FAM221B: variants seen among roughly 807,000 people sequenced by gnomAD.
FAM221B encodes the protein family with sequence similarity 221 member B.
FAM221B carries 35 observed loss-of-function variants against 39.8 expected under a neutral mutation model. The ratio of observed to expected loss-of-function variants is 0.88; its 90% CI spans 0.67 to 1.17. The LOEUF (loss-of-function observed/expected upper bound fraction) is 1.17, where lower values mean the gene tolerates loss of function less well. Among genes scored for constraint, FAM221B ranks in the 50% most tolerant of loss-of-function variants. The pLI, the probability that FAM221B is intolerant of heterozygous loss-of-function variation, is 0.00. For synonymous variants in FAM221B, 158 were observed against 178.1 expected, an observed-to-expected ratio of 0.89 and a Z score of 0.90; for missense variants, 479 against 503.1, an observed-to-expected ratio of 0.95 and a Z score of 0.46.
chr9:35,819,953 G>A lies in FAM221B; in HGVS notation c.790C>T (p.Arg264Trp), dbSNP rs375690580. The change falls in exon 4 of 7, where the codon CGG (arginine) becomes TGG (tryptophan). Residue 264 changes from arginine (R) to tryptophan (W), a missense_variant. Physicochemically the swap from Arg to Trp is moderately radical, Grantham distance 101 (BLOSUM62 -3). Coordinates refer to ENST00000423537, the MANE Select transcript of FAM221B (RefSeq NM_001012446.4). ...RCPHYLWDCF[R>W]IGDESRCFCG... is the part of the protein sequence containing the mutation. Reference sequence around the variant, plus strand: ...AAGCATCTGGACTCATCCCCAATCCGGAAACAGTCCCATAGGTAATGGGGG... The same window carrying A: ...AAGCATCTGGACTCATCCCCAATCCAGAAACAGTCCCATAGGTAATGGGGG... 16 of 1,612,054 alleles carry A rather than the reference G, an allele frequency of 9.9e-6. No individual in the cohort carries two copies. Among genetic ancestry groups the A allele is most frequent in the South Asian group, 5.5e-5 (5 of 91,038 alleles).
At position 35,818,384 on chromosome 9, in the gene FAM221B, T is replaced by G. The variant is rs909089051; in HGVS notation, c.*85A>C. On this transcript the variant is annotated 3_prime_UTR_variant, in exon 7 of 7. Transcript: ENST00000423537. Reference sequence around the variant, plus strand: ...GTCAACTCTAAGTTATTAGGCAGTCTCTCCCTGGGCTGGGATCTACCTGCC... The same window carrying G: ...GTCAACTCTAAGTTATTAGGCAGTCGCTCCCTGGGCTGGGATCTACCTGCC... 12 of 1,284,056 alleles carry G rather than the reference T, an allele frequency of 9.3e-6. No homozygotes were observed. The African/African-American group carries it at 1.6e-4, about 17-fold the overall frequency. 79.5% of individuals were successfully genotyped at this position (1,284,056 alleles called of 1,614,324 possible). A position where few individuals can be genotyped will look rare whatever the true frequency, so the allele number is the denominator to read the frequency against.
At chr9:35,822,054 C>G (rs760318682) in intron 3 of FAM221B, among the ~76,000 whole-genome samples, 11 of 152,224 alleles carry the variant, frequency 7.2e-5, no homozygotes, top group Non-Finnish European at 1.5e-4. Flanking sequence ...ACATGGCTGT[C>G]TTTACAGGAA....
rs1829029081 is a variant in FAM221B, at chr9:35,816,671, G to A, written c.*1798C>T. On this transcript the variant is annotated 3_prime_UTR_variant, in exon 7 of 7. Transcript: ENST00000423537. ...AGTTTTAGGTGAATGGTTATCATGGGGCATATAACCACTGTTGGGGAACTT... is the reference window on the plus strand; with the variant it reads ...AGTTTTAGGTGAATGGTTATCATGGAGCATATAACCACTGTTGGGGAACTT... The A allele has an allele frequency of 6.6e-6, 1 of 152,072 alleles. No homozygotes were observed. Among genetic ancestry groups the A allele is most frequent in the African/African-American group, 2.4e-5 (1 of 41,400 alleles). 9.4% of individuals were successfully genotyped at this position (152,072 alleles called of 1,614,324 possible).
chr9:35,818,575 C>T (rs1000561440), intron 6 of FAM221B, 69 bp from the exon 7 acceptor site: 53 of 1,471,232 alleles, frequency 3.6e-5, no homozygotes, highest in Middle Eastern at 2.0e-4. Context: ...GGCTGGAGAC[C>T]GTGTGAACCA....
chr9:35,818,465 A>T lies in FAM221B; in HGVS notation c.*4T>A. On this transcript the variant is annotated 3_prime_UTR_variant, in exon 7 of 7. Transcript: ENST00000423537. ...TCCTCTTTTATTGCTGATCTGGGCC[A>T]GACTCACAAAGGCCTGTGCCAGTTG... 6.4e-7 allele frequency: 1 copy of T among 1,551,738 alleles called. No individual in the cohort carries two copies. The highest frequency in any genetic ancestry group is 1.4e-5 in the African/African-American group (1 of 73,168).
In FAM221B at chr9:35,828,164, C is replaced by T. The variant is rs985485925; in HGVS notation, c.-1+299G>A. On this transcript the variant is annotated intron_variant, in intron 1 of 6. Transcript: ENST00000423537. The surrounding 1 kb of genome is among the most constrained non-coding windows in gnomAD (Gnocchi z 4.5). ...AAAATTAGCTGGGCATGGTGGCAGG[C>T]GCCTGTAGTCCCAGCTACTGGGGAG... is the stretch of plus-strand genomic sequence containing the variant. Among the ~76,000 whole-genome samples, 4 of 152,008 alleles carry T rather than the reference C, an allele frequency of 2.6e-5. No individual in the cohort carries two copies. Among genetic ancestry groups the T allele is most frequent in the East Asian group, 3.8e-4 (2 of 5,200 alleles).
intron 3 of FAM221B, among the ~76,000 whole-genome samples, chr9:35,824,677 T>G (rs112686943): frequency 0.013 from 1,957 of 151,004 alleles, 51 homozygotes; most frequent in African/African-American, 0.044. Flanking sequence ...TTGTTTTTTG[T>G]TTTTTGGTTT....
rs766891221 is a variant in FAM221B, at chr9:35,819,899, T to A, written c.844A>T (p.Ile282Phe). 6.2e-7 allele frequency: 1 copy of A among 1,602,154 alleles called. No individual in the cohort carries two copies. Among genetic ancestry groups the A allele is most frequent in the Non-Finnish European group, 8.5e-7 (1 of 1,171,648 alleles). ...FCGHLLREHR[I>F]ISDISVPCKV... ...GTCAGTTCTCCCCTACCTGAGATGA[T>A]CCGGTGCTCTCTCAACAAGTGTCCA... Residue 282 changes from isoleucine to phenylalanine, a missense_variant, in exon 4 of 7, where the codon ATC becomes TTC. By Grantham distance (21) the Ile-to-Phe change is conservative. Coordinates refer to ENST00000423537, the MANE Select transcript of FAM221B (RefSeq NM_001012446.4).
At chr9:35,819,068 C>T (rs1829079100) in intron 5 of FAM221B, 59 bp from the exon 6 acceptor site, 2 of 1,547,296 alleles carry the variant, frequency 1.3e-6, no homozygotes, top group African/African-American at 1.4e-5. Context: ...CAGGAGCTGA[C>T]CACATTCTCA....
Position 35,817,500 on chromosome 9 carries a change from C to T in FAM221B, c.*969G>A, listed in dbSNP as rs1454769674. The T allele has an allele frequency of 6.6e-6, 1 of 152,258 alleles. No homozygotes were observed. The highest frequency in any genetic ancestry group is 6.5e-5 in the Admixed American group (1 of 15,282). 9.4% of individuals were successfully genotyped at this position (152,258 alleles called of 1,614,324 possible). ...TCTTTTGCTTAGTTTTCCTGATCTT[C>T]CTCCCTGACACCCTCACATCATCAA... On this transcript the variant is annotated 3_prime_UTR_variant, in exon 7 of 7. Transcript: ENST00000423537.
chr9:35,819,929 A>G lies in FAM221B; in HGVS notation c.814T>C (p.Phe272Leu), dbSNP rs780144290. Residue 272 changes from phenylalanine to leucine, a missense_variant, in exon 4 of 7, where the codon TTT becomes CTT. Coordinates refer to ENST00000423537, the MANE Select transcript of FAM221B (RefSeq NM_001012446.4). ...CFRIGDESRC[F>L]CGHLLREHRI... ...TGCTCTCTCAACAAGTGTCCACAAA[A>G]GCATCTGGACTCATCCCCAATCCGG... 4 of 1,608,952 alleles carry G rather than the reference A, an allele frequency of 2.5e-6. No homozygotes were observed. Among genetic ancestry groups the G allele is most frequent in the Non-Finnish European group, 3.4e-6 (4 of 1,176,664 alleles).
intron 3 of FAM221B, chr9:35,821,697 G>A (rs541978755): frequency 1.9e-5 from 22 of 1,147,436 alleles, no homozygotes; most frequent in South Asian, 1.1e-4. Flanking sequence ...TCGGAGGGCC[G>A]GGGGGCAGTC....
At chr9:35,827,754 T>C (rs1168401244) in intron 1 of FAM221B, among the ~76,000 whole-genome samples, 1 of 152,196 alleles carries the variant, frequency 6.6e-6, no homozygotes, top group African/African-American at 2.4e-5. Flanking sequence ...CTTTCCGTGC[T>C]CCCTACTTTA....
At position 35,825,728 on chromosome 9, in the gene FAM221B, T is replaced by C. The variant is rs1829328206; in HGVS notation, c.434A>G (p.His145Arg). Residue 145 changes from histidine to arginine, a missense_variant, in exon 2 of 7, where the codon CAT (histidine) becomes CGT (arginine). His to Arg is a conservative substitution (Grantham distance 29). Coordinates refer to ENST00000423537, the MANE Select transcript of FAM221B (RefSeq NM_001012446.4). The surrounding 1 kb of genome is among the most constrained non-coding windows in gnomAD (Gnocchi z 4.2). Reference protein sequence around the residue: ...NEVPWTRRSTHLSESESLPEH... With the variant: ...NEVPWTRRSTRLSESESLPEH... ...TGGAAGGCTCTCAGATTCAGAGAGA[T>C]GGGTAGACCTCCTTGTCCATGGGAC... 6.2e-7 allele frequency: 1 copy of C among 1,614,172 alleles called. No homozygotes were observed. Among genetic ancestry groups the C allele is most frequent in the Non-Finnish European group, 8.5e-7 (1 of 1,180,020 alleles).
chr9:35,820,020 A>T lies in FAM221B; in HGVS notation c.743-20T>A, dbSNP rs753430259. On this transcript the variant is annotated intron_variant, in intron 3 of 6. Transcript: ENST00000423537. ...AGAGACCTAGGTATGCAGGATTAAA[A>T]GTGAGAAGTAAAAAAATTCTAAGCT... 6.3e-7 allele frequency: 1 copy of T among 1,580,020 alleles called. No individual in the cohort carries two copies. The highest frequency in any genetic ancestry group is 8.7e-7 in the Non-Finnish European group (1 of 1,149,378).
chr9:35,826,245 A>C lies in FAM221B; in HGVS notation c.1-84T>G, dbSNP rs1266107475. 3.6e-5 allele frequency: 37 copies of C among 1,027,700 alleles called. No individual in the cohort carries two copies. The South Asian group carries it at 4.8e-4, about 13-fold the overall frequency. 63.7% of individuals were successfully genotyped at this position (1,027,700 alleles called of 1,614,324 possible). ...GGGCAGAGCCCAGGGTTCGCAGTGC[A>C]TTATGGAATTTGGATAAGGATATCA... is the stretch of plus-strand genomic sequence containing the variant. On this transcript the variant is annotated intron_variant, in intron 1 of 6. Transcript: ENST00000423537.
Position 35,828,681 on chromosome 9 carries a change from G to A in FAM221B, c.-219C>T. 2.0e-6 allele frequency: 2 copies of A among 985,534 alleles called. No homozygotes were observed. The highest frequency in any genetic ancestry group is 2.4e-6 in the Non-Finnish European group (2 of 829,994). 61.0% of individuals were successfully genotyped at this position (985,534 alleles called of 1,614,324 possible). Reference sequence around the variant, plus strand: ...CGCAAAGGAGCTCTGGCATGACCTGGGGAAGTGGGTAGGGACAAGGGGTCT... The same window carrying A: ...CGCAAAGGAGCTCTGGCATGACCTGAGGAAGTGGGTAGGGACAAGGGGTCT... On this transcript the variant is annotated 5_prime_UTR_variant, in exon 1 of 7. Coordinates refer to ENST00000423537, the MANE Select transcript of FAM221B (RefSeq NM_001012446.4). The surrounding 1 kb of genome is among the most constrained non-coding windows in gnomAD (Gnocchi z 4.5).
chr9:35,821,331 C>T (rs765761140), intron 3 of FAM221B: 8 of 789,610 alleles, frequency 1.0e-5, no homozygotes, highest in Non-Finnish European at 1.1e-5. Context: ...AGGCATAACC[C>T]TGAGGTTCCA....
Position 35,825,216 on chromosome 9 carries a change from C to G in FAM221B, c.742+14G>C. 6.2e-7 allele frequency: 1 copy of G among 1,614,086 alleles called. No individual in the cohort carries two copies. The highest frequency in any genetic ancestry group is 8.5e-7 in the Non-Finnish European group (1 of 1,179,968). On this transcript the variant is annotated intron_variant, in intron 3 of 6. Coordinates refer to ENST00000423537, the MANE Select transcript of FAM221B (RefSeq NM_001012446.4). This position sits in a 1 kb window ranked among gnomAD's most constrained non-coding sequence, Gnocchi z 4.2. ...GGGCCTGTCACAGGCCTCTGAAAGG[C>G]CACATGGGCTCACCTGTCTGGATGG...
Sources: gnomAD v4.1 joint callset for allele counts (sites outside exome capture counted in the v4.1 genomes callset) on GRCh38, gnomAD v4.1.1 for gene constraint, Gnocchi (gnomAD v3.1) non-coding constraint, MANE v1.5 for transcripts, NCBI Gene and HGNC (gene_info 2026-07-23, HGNC 2026-07-21) for gene names.